The following TDP2 variants were observed in gnomAD, a reference collection of about 807,000 sequenced individuals.
The protein encoded by TDP2 is 5'-Tyr-DNA phosphodiesterase.
A neutral mutation model predicts 42.8 loss-of-function variants in TDP2; 38 were observed. The observed-to-expected ratio is 0.89, with a 90% CI of 0.68 to 1.16. TDP2 has a LOEUF of 1.16. TDP2 is among the 50% of genes most tolerant of loss of function. TDP2 has a pLI of 0.00. For missense variants in TDP2, 439 were observed against 439.3 expected (o/e 1.00, Z 0.01); for synonymous variants, 173 against 150.6 (o/e 1.15, Z -1.09).
Position 24,650,984 on chromosome 6 carries a change from T to C in TDP2, c.893A>G (p.Asp298Gly). The C allele has an allele frequency of 6.2e-7, 1 of 1,614,130 alleles. No individual in the cohort carries two copies. Among genetic ancestry groups the C allele is most frequent in the South Asian group, 1.1e-5 (1 of 91,086 alleles). ...GKPKHCQYTW[D>G]TQMNSNLGIT... ...TCCAAGATTAGAGTTCATTTGTGTA[T>C]CCCATGTATACTGGCAATGTTTAGG... is the stretch of plus-strand genomic sequence containing the variant. The change falls in exon 7 of 7, where the codon GAT becomes GGT. Residue 298 changes from aspartate (D) to glycine (G), a missense_variant. Transcript: ENST00000378198.
At chr6:24,651,786 C>T (rs1435869177) in intron 6 of TDP2, among the ~76,000 whole-genome samples, 9 of 152,110 alleles carry the variant, frequency 5.9e-5, no homozygotes, top group Admixed American at 5.9e-4. Flanking sequence ...GGGGTTTCAC[C>T]GTGCCGGCCA....
At chr6:24,659,789 G>A (rs1778113085) in intron 2 of TDP2, among the ~76,000 whole-genome samples, 1 of 152,164 alleles carries the variant, frequency 6.6e-6, no homozygotes, top group African/African-American at 2.4e-5. Context: ...GCTTACTACA[G>A]GGAAAGAATA....
intron 2 of TDP2, among the ~76,000 whole-genome samples, chr6:24,662,259 T>C (rs1468712642): frequency 6.6e-6 from 1 of 151,816 alleles, no homozygotes; most frequent in Admixed American, 6.6e-5. Context: ...TTGAGGAGGA[T>C]TAGTGAAAGA....
intron 2 of TDP2, among the ~76,000 whole-genome samples, chr6:24,663,268 G>A (rs1778183091): frequency 6.6e-6 from 1 of 152,188 alleles, no homozygotes; most frequent in South Asian, 2.1e-4. Context: ...CTGAGGCAGA[G>A]AGAGGTTACA....
Position 24,666,543 on chromosome 6 carries a change from G to A in TDP2, c.234C>T (p.Ile78=), listed in dbSNP as rs779231725. ...ESALERRPET[I]SEPKTYVDLT... is the part of the protein sequence containing the mutation. ...TCACTTACTAGGTCTTGGGCTCAGA[G>A]ATGGTTTCAGGTCGGCGTTCCAAGG... The change falls in exon 2 of 7, where the codon ATC becomes ATT. Residue 78 remains isoleucine, a synonymous_variant. Transcript: ENST00000378198. 50 of 1,613,982 alleles carry A rather than the reference G, an allele frequency of 3.1e-5. No individual in the cohort carries two copies. Among genetic ancestry groups the A allele is most frequent in the Non-Finnish European group, 3.7e-5 (44 of 1,179,942 alleles).
intron 3 of TDP2, 54 bp from the exon 4 acceptor site, chr6:24,657,957 G>T: frequency 2.4e-6 from 3 of 1,261,258 alleles, no homozygotes; most frequent in African/African-American, 1.5e-5. Flanking sequence ...TTCATTTTCA[G>T]CTACCTAAAT....
intron 6 of TDP2, among the ~76,000 whole-genome samples, chr6:24,652,694 A>C (rs1777993506): frequency 6.6e-6 from 1 of 152,100 alleles, no homozygotes; most frequent in Non-Finnish European, 1.5e-5. Context: ...ACTCTTCTAC[A>C]ATCATTTTCT....
intron 4 of TDP2, 137 bp downstream of exon 4, chr6:24,657,673 TTC>T (rs1319978085): frequency 9.7e-6 from 4 of 411,564 alleles, no homozygotes; most frequent in African/African-American, 8.4e-5. Flanking sequence ...TCTTGTAGTA[TTC>T]TGTGTCTTGC....
intron 2 of TDP2, among the ~76,000 whole-genome samples, chr6:24,660,943 G>C (rs1445981055): frequency 1.3e-5 from 2 of 152,060 alleles, no homozygotes; most frequent in African/African-American, 4.8e-5. Context: ...TATGTCCTCC[G>C]CAATGCACCA....
rs746303603 is a variant in TDP2 at position 24,654,432 on chromosome 6, T to C, written c.616A>G (p.Arg206Gly). ...IIPFPSTKMM[R>G]NLLCVHVNVS... is the part of the protein sequence containing the mutation. ...CTCACATGCACACATAAAAGGTTTCTCATCATTTTGGTACTTGGAAAAGGA... is the reference window on the plus strand; with the variant it reads ...CTCACATGCACACATAAAAGGTTTCCCATCATTTTGGTACTTGGAAAAGGA... The change falls in exon 5 of 7, where the codon AGA becomes GGA. Residue 206 changes from arginine (R) to glycine (G), a missense_variant. Physicochemically the swap from Arg to Gly is moderately radical, Grantham distance 125. Coordinates refer to ENST00000378198, the MANE Select transcript of TDP2 (RefSeq NM_016614.3). 1 of 1,543,666 alleles carries C rather than the reference T, an allele frequency of 6.5e-7. No homozygotes were observed. Among genetic ancestry groups the C allele is most frequent in the Admixed American group, 1.9e-5 (1 of 52,886 alleles).
At chr6:24,666,133 G>A (rs1778230072) in intron 2 of TDP2, 1 of 1,548,616 alleles carries the variant, frequency 6.5e-7, no homozygotes, top group Non-Finnish European at 8.7e-7. Flanking sequence ...TATTCTGGCC[G>A]GTCAGCCTAG....
intron 4 of TDP2, among the ~76,000 whole-genome samples, chr6:24,657,196 C>T (rs1238849266): frequency 3.3e-5 from 5 of 152,188 alleles, no homozygotes; most frequent in African/African-American, 1.2e-4. Flanking sequence ...TACAGTCTTC[C>T]CAGGACATGA....
chr6:24,650,595 G>C lies in TDP2; in HGVS notation c.*193C>G, dbSNP rs368633616. 1 of 613,410 alleles carries C rather than the reference G, an allele frequency of 1.6e-6. No homozygotes were observed. The highest frequency in any genetic ancestry group is 2.8e-6 in the Non-Finnish European group (1 of 362,014). 38.0% of individuals were successfully genotyped at this position (613,410 alleles called of 1,614,324 possible). On this transcript the variant is annotated 3_prime_UTR_variant, in exon 7 of 7. Coordinates refer to ENST00000378198, the MANE Select transcript of TDP2 (RefSeq NM_016614.3). ...TTTTTATTAAATGGCCTCACATCCTGAATGCAGGAATGTGTTCGTTTAAAT... is the reference window on the plus strand; with the variant it reads ...TTTTTATTAAATGGCCTCACATCCTCAATGCAGGAATGTGTTCGTTTAAAT...
chr6:24,653,109 C>T lies in TDP2; in HGVS notation c.681G>A (p.Leu227=), dbSNP rs1582419845. 6.2e-7 allele frequency: 1 copy of T among 1,614,112 alleles called. No individual in the cohort carries two copies. Among genetic ancestry groups the T allele is most frequent in the Non-Finnish European group, 8.5e-7 (1 of 1,180,010 alleles). Residue 227 remains leucine (L), a synonymous_variant, in exon 6 of 7, where the codon TTG becomes TTA. Coordinates refer to ENST00000378198, the MANE Select transcript of TDP2 (RefSeq NM_016614.3). ...CCGCAGCATGCCCTCTGGTGCTCTC[C>T]AAATGGGATGTCATAAGGCAAAGCT... is the stretch of plus-strand genomic sequence containing the variant. ...GNELCLMTSH[L]ESTRGHAAER...
chr6:24,659,224 A>G (rs1778103317), intron 2 of TDP2: 1 of 152,264 alleles, frequency 6.6e-6, no homozygotes. Context: ...GTCCACTCCA[A>G]ACCTCTTTAA....
At chr6:24,665,011 C>T (rs1029657786) in intron 2 of TDP2, among the ~76,000 whole-genome samples, 3 of 152,056 alleles carry the variant, frequency 2.0e-5, no homozygotes, top group Non-Finnish European at 4.4e-5. Context: ...CTGTTGCAAC[C>T]AACAGACATT....
chr6:24,658,701 G>A lies in TDP2; in HGVS notation c.285C>T (p.Ser95=), dbSNP rs777222372. The change falls in exon 3 of 7, where the codon TCC becomes TCT. Residue 95 remains serine (S), a synonymous_variant. Transcript: ENST00000378198. ...VDLTNEETTD[S]TTSKISPSED... is the part of the protein sequence containing the mutation. Reference sequence around the variant, plus strand: ...CAGATGGGCTGATTTTAGAAGTGGTGGAATCAGTTGTTTCTTCATTGGTTA... The same window carrying A: ...CAGATGGGCTGATTTTAGAAGTGGTAGAATCAGTTGTTTCTTCATTGGTTA... 4 of 1,613,630 alleles carry A rather than the reference G, an allele frequency of 2.5e-6. No homozygotes were observed. Among genetic ancestry groups the A allele is most frequent in the Non-Finnish European group, 3.4e-6 (4 of 1,179,810 alleles).
intron 2 of TDP2, 130 bp from the exon 3 acceptor site, chr6:24,658,864 G>A: frequency 4.6e-6 from 4 of 876,608 alleles, no homozygotes; most frequent in Middle Eastern, 2.6e-4. Context: ...GTCCTTACAG[G>A]GTTAACAAGA....
At chr6:24,659,601 T>C (rs1778108951) in intron 2 of TDP2, among the ~76,000 whole-genome samples, 1 of 152,232 alleles carries the variant, frequency 6.6e-6, no homozygotes, top group South Asian at 2.1e-4. Context: ...GTATAAACTA[T>C]GATCCCAAAT....
Sources: gnomAD v4.1 joint callset for allele counts (sites outside exome capture counted in the v4.1 genomes callset) on GRCh38, gnomAD v4.1.1 for gene constraint, MANE v1.5 for transcripts, NCBI Gene and HGNC (gene_info 2026-07-23, HGNC 2026-07-21) for gene names.